MYO5B: variants seen among roughly 807,000 people sequenced by gnomAD.
MYO5B encodes the protein myosin VB.
In MYO5B, 143 loss-of-function variants were observed where a neutral mutation model predicts 229.3. The observed-to-expected ratio is 0.62, with a 90% CI of 0.54 to 0.72. The LOEUF (loss-of-function observed/expected upper bound fraction) is 0.72, where lower values mean the gene tolerates loss of function less well. Among genes scored for constraint, MYO5B ranks in the 30% least tolerant of loss-of-function variants. MYO5B has a pLI of 0.00. For synonymous variants in MYO5B, 918 were observed against 885.2 expected (o/e 1.04, Z -0.66); for missense variants, 2,321 against 2,331.0 (o/e 1.00, Z 0.09).
chr18:50,052,705 T>TAAAAA (rs35059232), intron 2 of MYO5B, among the ~76,000 whole-genome samples: 5 of 142,656 alleles, frequency 3.5e-5, no homozygotes, highest in South Asian at 2.3e-4. Context: ...TAAAGTATAA[T>TAAAAA]AAAAAAAAAA....
At chr18:50,163,227 C>T (rs1160213338) in intron 1 of MYO5B, among the ~76,000 whole-genome samples, 1 of 152,174 alleles carries the variant, frequency 6.6e-6, no homozygotes, top group Non-Finnish European at 1.5e-5. Flanking sequence ...ATACTGCCAC[C>T]TCATCACTCT....
chr18:49,872,326 T>G, intron 26 of MYO5B, 94 bp from the exon 27 acceptor site: 1 of 1,224,040 alleles, frequency 8.2e-7, no homozygotes, highest in Non-Finnish European at 1.2e-6. Flanking sequence ...TCATCCTGCC[T>G]GTGCGTGAAT....
chr18:50,135,220 T>C (rs931901129), intron 1 of MYO5B, among the ~76,000 whole-genome samples: 1 of 152,144 alleles, frequency 6.6e-6, no homozygotes, highest in African/African-American at 2.4e-5. Context: ...AAGAGAAAAA[T>C]AGCCACATTT....
intron 19 of MYO5B, among the ~76,000 whole-genome samples, chr18:49,906,187 G>A (rs1197463597): frequency 6.6e-6 from 1 of 152,180 alleles, no homozygotes; most frequent in African/African-American, 2.4e-5. Flanking sequence ...CTGGTAGGAT[G>A]GAGGGAGCCT....
chr18:49,974,553 C>T lies in MYO5B; in HGVS notation c.1119G>A (p.Glu373=). Residue 373 remains glutamate (E), a synonymous_variant, in exon 10 of 40, where the codon GAG becomes GAA. Coordinates refer to ENST00000285039, the MANE Select transcript of MYO5B (RefSeq NM_001080467.3). ...RLLGVEHSQM[E]HWLCHRKLVT... is the part of the protein sequence containing the mutation. Reference sequence around the variant, plus strand: ...CCAGCTTGCGATGACACAGCCAGTGCTCCATCTGACTGTGCTCCACCCCTA... The same window carrying T: ...CCAGCTTGCGATGACACAGCCAGTGTTCCATCTGACTGTGCTCCACCCCTA... 1 of 1,614,112 alleles carries T rather than the reference C, an allele frequency of 6.2e-7. No individual in the cohort carries two copies. Among genetic ancestry groups the T allele is most frequent in the Non-Finnish European group, 8.5e-7 (1 of 1,179,988 alleles).
At chr18:50,130,051 A>G (rs1444341908) in intron 1 of MYO5B, among the ~76,000 whole-genome samples, 1 of 152,154 alleles carries the variant, frequency 6.6e-6, no homozygotes, top group East Asian at 1.9e-4. Context: ...CATGTTCAGC[A>G]CAGCCTGCAC....
intron 27 of MYO5B, among the ~76,000 whole-genome samples, chr18:49,868,599 G>A (rs550410331): frequency 1.3e-5 from 2 of 152,354 alleles, no homozygotes; most frequent in Admixed American, 6.5e-5. Context: ...GGTCAGCACA[G>A]TCATGGCTCC....
chr18:50,134,366 C>G (rs994675820), intron 1 of MYO5B, among the ~76,000 whole-genome samples: 6 of 151,838 alleles, frequency 4.0e-5, no homozygotes, highest in African/African-American at 7.3e-5. Context: ...CCATCCTAGC[C>G]AACACGGTGA....
intron 1 of MYO5B, among the ~76,000 whole-genome samples, chr18:50,091,618 T>C (rs564636843): frequency 6.6e-6 from 1 of 152,298 alleles, no homozygotes; most frequent in South Asian, 2.1e-4. Context: ...GTCTGCCTTC[T>C]TCCCATTGCT....
chr18:49,929,421 T>A (rs1409000308), intron 17 of MYO5B, 91 bp downstream of exon 17: 1 of 1,024,502 alleles, frequency 9.8e-7, no homozygotes, highest in East Asian at 2.6e-5. Context: ...GATCTGTTTC[T>A]GGCCGACGGT....
intron 29 of MYO5B, among the ~76,000 whole-genome samples, chr18:49,861,829 AC>A (rs992468042): frequency 1.3e-5 from 2 of 152,074 alleles, no homozygotes; most frequent in Admixed American, 6.5e-5. Flanking sequence ...GTCTTCAGTG[AC>A]TCTGTGACAT....
intron 22 of MYO5B, among the ~76,000 whole-genome samples, chr18:49,881,086 G>A (rs1018286289): frequency 4.6e-5 from 7 of 152,200 alleles, no homozygotes; most frequent in African/African-American, 9.7e-5. Context: ...TGGAAGCAAG[G>A]AGCCCCCAAC....
chr18:50,132,270 T>A (rs572117136), intron 1 of MYO5B, among the ~76,000 whole-genome samples: 1 of 152,336 alleles, frequency 6.6e-6, no homozygotes, highest in East Asian at 1.9e-4. Flanking sequence ...GAGCAGAGCA[T>A]AATGGTTACA....
At chr18:49,954,675 C>G (rs1430795001) in intron 12 of MYO5B, among the ~76,000 whole-genome samples, 2 of 152,168 alleles carry the variant, frequency 1.3e-5, no homozygotes, top group African/African-American at 2.4e-5. Context: ...GCTGAGCCTG[C>G]TGGTTGGCAG....
At chr18:50,134,224 G>A (rs2032299111) in intron 1 of MYO5B, among the ~76,000 whole-genome samples, 1 of 151,774 alleles carries the variant, frequency 6.6e-6, no homozygotes, top group African/African-American at 2.4e-5. Context: ...ATAGACAGAG[G>A]CACATAAAAA....
chr18:49,902,943 A>C (rs1290697572), intron 20 of MYO5B, 110 bp from the exon 21 acceptor site: 3 of 1,393,886 alleles, frequency 2.2e-6, no homozygotes, highest in Non-Finnish European at 2.9e-6. Flanking sequence ...CCTTGGTTCT[A>C]GGAGTTACAC....
At chr18:49,964,497 C>T (rs753855714) in intron 10 of MYO5B, among the ~76,000 whole-genome samples, 16 of 152,154 alleles carry the variant, frequency 1.1e-4, no homozygotes, top group East Asian at 1.9e-4. Context: ...ATGCTCCATT[C>T]GGGTCAGCCT....
At chr18:49,967,183 T>C (rs1020822969) in intron 10 of MYO5B, among the ~76,000 whole-genome samples, 1 of 152,224 alleles carries the variant, frequency 6.6e-6, no homozygotes, top group East Asian at 1.9e-4. Flanking sequence ...ATCACACTGT[T>C]TCCATTTCTA....
rs61177844 is a variant in MYO5B at position 49,980,408 on chromosome 18, T to C, written c.1056+36A>G. The C allele has an allele frequency of 7.4e-3, 10,354 of 1,396,244 alleles. 429 individuals carry two copies. In the African/African-American group the frequency reaches 0.11, roughly 15 times the overall value. 86.5% of individuals were successfully genotyped at this position (1,396,244 alleles called of 1,614,324 possible). A position where few individuals can be genotyped will look rare whatever the true frequency, so the allele number is the denominator to read the frequency against. Reference sequence around the variant, plus strand: ...TCATATCAAAGAACAGGGTAAATTGTGTTCATTTTATCTCCGGTGTTGGTG... The same window carrying C: ...TCATATCAAAGAACAGGGTAAATTGCGTTCATTTTATCTCCGGTGTTGGTG... On this transcript the variant is annotated intron_variant, in intron 9 of 39. Transcript: ENST00000285039.
Sources: gnomAD v4.1 joint callset for allele counts (sites outside exome capture counted in the v4.1 genomes callset) on GRCh38, gnomAD v4.1.1 for gene constraint, MANE v1.5 for transcripts, NCBI Gene and HGNC (gene_info 2026-07-23, HGNC 2026-07-21) for gene names.